Variants in TRPM7 observed in about 807,000 individuals in gnomAD.
The protein encoded by TRPM7 is transient receptor potential cation channel subfamily M member 7.
In TRPM7, 134 loss-of-function variants were observed where a neutral mutation model predicts 229.7. That is an observed-to-expected ratio of 0.58 (90% CI 0.51 to 0.67). TRPM7 has a LOEUF of 0.67. TRPM7 is among the 30% of genes least tolerant of loss of function. The probability of loss-of-function intolerance (pLI) is 0.00; values close to 1 mark genes in which losing one functional copy is unlikely to be tolerated. For missense variants in TRPM7, 1,901 were observed against 2,210.0 expected (o/e 0.86, Z 2.80); for synonymous variants, 699 against 715.2 (o/e 0.98, Z 0.36).
chr15:50,681,207 C>T (rs901022132), intron 1 of TRPM7, among the ~76,000 whole-genome samples: 1 of 151,796 alleles, frequency 6.6e-6, no homozygotes, highest in African/African-American at 2.4e-5. Context: ...GCCAAGATCA[C>T]GCCACTGCAC....
chr15:50,658,290 C>T (rs138707206), intron 2 of TRPM7, among the ~76,000 whole-genome samples: 1,541 of 152,110 alleles, frequency 0.01, 9 homozygotes, highest in Middle Eastern at 0.044. Context: ...CAGGTGTGAG[C>T]CACCGCGCCT....
intron 12 of TRPM7, among the ~76,000 whole-genome samples, chr15:50,623,139 T>G (rs1464114254): frequency 6.6e-6 from 1 of 151,522 alleles, no homozygotes; most frequent in Non-Finnish European, 1.5e-5. Context: ...TTTGGCCGGG[T>G]GCAGTGGCTC....
chr15:50,620,338 T>C (rs2060355791), intron 12 of TRPM7, among the ~76,000 whole-genome samples: 3 of 151,722 alleles, frequency 2.0e-5, no homozygotes, highest in African/African-American at 7.3e-5. Context: ...TCATCAGCTA[T>C]CGTTAGTGTT....
In TRPM7 at chr15:50,574,722, A is replaced by T. The variant is rs113848458; in HGVS notation, c.5020-3T>A. The T allele has an allele frequency of 1.9e-6, 3 of 1,612,380 alleles. No individual in the cohort carries two copies. The highest frequency in any genetic ancestry group is 2.5e-6 in the Non-Finnish European group (3 of 1,179,532). ...GCTGCTCTCTGTTGTTGAATTTCCT[A>T]TAAAAGGGAGGGTGGGGAGAACCCT... On this transcript the variant is annotated splice_region_variant and splice_polypyrimidine_tract_variant and intron_variant, in intron 34 of 38. Coordinates refer to ENST00000646667, the MANE Select transcript of TRPM7 (RefSeq NM_017672.6).
intron 4 of TRPM7, among the ~76,000 whole-genome samples, chr15:50,647,694 C>T (rs988030206): frequency 6.6e-6 from 1 of 151,854 alleles, no homozygotes; most frequent in Non-Finnish European, 1.5e-5. Flanking sequence ...TGCAGTGAGC[C>T]GAGATTGCGC....
chr15:50,580,975 C>T (rs1044613568), intron 29 of TRPM7, 67 bp from the exon 30 acceptor site: 32 of 1,488,228 alleles, frequency 2.2e-5, no homozygotes, highest in African/African-American at 4.3e-5. Context: ...TGAAGCATAA[C>T]GGTTTAACTT....
intron 36 of TRPM7, among the ~76,000 whole-genome samples, chr15:50,573,298 T>C (rs2053977088): frequency 2.0e-5 from 3 of 152,200 alleles, no homozygotes; most frequent in African/African-American, 7.2e-5. Flanking sequence ...CTGCTTTCTC[T>C]CTAGAAGAAG....
intron 4 of TRPM7, among the ~76,000 whole-genome samples, chr15:50,644,864 T>G (rs148656137): frequency 6.2e-4 from 90 of 145,536 alleles, no homozygotes; most frequent in East Asian, 3.2e-3. Flanking sequence ...TAAAACTGAG[T>G]AGAAGACTGG....
At chr15:50,646,284 G>C (rs955230772) in intron 4 of TRPM7, among the ~76,000 whole-genome samples, 1 of 152,034 alleles carries the variant, frequency 6.6e-6, no homozygotes, top group African/African-American at 2.4e-5. Context: ...GGTTTTTGCT[G>C]TTGTTATTTG....
At chr15:50,603,702 C>T (rs1172905627) in intron 21 of TRPM7, among the ~76,000 whole-genome samples, 3 of 152,072 alleles carry the variant, frequency 2.0e-5, no homozygotes, top group Non-Finnish European at 4.4e-5. Context: ...TTTCTTAATC[C>T]AGTCTATCAT....
intron 5 of TRPM7, among the ~76,000 whole-genome samples, chr15:50,643,073 G>A (rs980920769): frequency 3.3e-5 from 5 of 152,060 alleles, no homozygotes; most frequent in Non-Finnish European, 5.9e-5. Context: ...TGCGGATCAC[G>A]AGGTCAGCAG....
At chr15:50,679,676 CAG>C (rs2062201525) in intron 1 of TRPM7, among the ~76,000 whole-genome samples, 1 of 150,626 alleles carries the variant, frequency 6.6e-6, no homozygotes, top group African/African-American at 2.5e-5. Context: ...GCTGGGATTA[CAG>C]GCGCACACCA....
At chr15:50,648,170 T>C (rs2061323778) in intron 4 of TRPM7, among the ~76,000 whole-genome samples, 2 of 152,176 alleles carry the variant, frequency 1.3e-5, no homozygotes, top group Non-Finnish European at 2.9e-5. Flanking sequence ...TCTGTAGACT[T>C]TGGTATCTGA....
intron 8 of TRPM7, among the ~76,000 whole-genome samples, chr15:50,633,251 T>C (rs2060791396): frequency 1.3e-5 from 2 of 152,204 alleles, no homozygotes; most frequent in Non-Finnish European, 2.9e-5. Context: ...ATATCAGTAC[T>C]TACATAAGAT....
chr15:50,684,954 G>C (rs148796243), intron 1 of TRPM7, among the ~76,000 whole-genome samples: 5 of 152,234 alleles, frequency 3.3e-5, no homozygotes, highest in African/African-American at 1.2e-4. Context: ...TTAATTTTTA[G>C]GCATGATAAT....
Position 50,592,052 on chromosome 15 carries a change from A to G in TRPM7, c.4183T>C (p.Ser1395Pro). Reference protein sequence around the residue: ...GSSSTSIPHLSSPPTKFFVST... With the variant: ...GSSSTSIPHLPSPPTKFFVST... ...ACAAAAAATTTGGTTGGTGGGGATGACAGATGTGGTATGCTAGTAGATGAA... is the reference window on the plus strand; with the variant it reads ...ACAAAAAATTTGGTTGGTGGGGATGGCAGATGTGGTATGCTAGTAGATGAA... Residue 1395 changes from serine (S) to proline (P), a missense_variant, in exon 26 of 39, where the codon TCA becomes CCA. By Grantham distance (74) the Ser-to-Pro change is moderately conservative. Transcript: ENST00000646667. 2 of 1,613,490 alleles carry G rather than the reference A, an allele frequency of 1.2e-6. No individual in the cohort carries two copies. The highest frequency in any genetic ancestry group is 1.7e-6 in the Non-Finnish European group (2 of 1,179,792).
chr15:50,623,330 T>G, intron 12 of TRPM7, among the ~76,000 whole-genome samples: 1 of 151,610 alleles, frequency 6.6e-6, no homozygotes. Context: ...GAGAATCACT[T>G]GAACCAGGGA....
intron 1 of TRPM7, among the ~76,000 whole-genome samples, chr15:50,675,923 T>A (rs146659617): frequency 1.1e-4 from 16 of 152,354 alleles, no homozygotes; most frequent in Admixed American, 3.9e-4. Context: ...TGCTGTTTAC[T>A]ATGTGTGCAA....
chr15:50,673,105 T>C (rs2062026474), intron 1 of TRPM7, among the ~76,000 whole-genome samples: 1 of 150,034 alleles, frequency 6.7e-6, no homozygotes, highest in African/African-American at 2.5e-5. Context: ...ATAAATTTAG[T>C]GTAGGCTAGG....
Sources: gnomAD v4.1 joint callset for allele counts (sites outside exome capture counted in the v4.1 genomes callset) on GRCh38, gnomAD v4.1.1 for gene constraint, MANE v1.5 for transcripts, NCBI Gene and HGNC (gene_info 2026-07-23, HGNC 2026-07-21) for gene names.